Variants in TMEM117 observed in about 807,000 individuals in gnomAD.
TMEM117 encodes the protein transmembrane protein 117.
Under a neutral mutation model 52.4 loss-of-function variants are expected in TMEM117, and 27 were observed. The observed-to-expected ratio is 0.51, with a 90% CI of 0.38 to 0.71. The LOEUF is 0.71. TMEM117 is among the 30% of genes least tolerant of loss of function. TMEM117 has a pLI of 0.00. For missense variants in TMEM117, 556 were observed against 630.5 expected, an observed-to-expected ratio of 0.88 and a Z score of 1.26; for synonymous variants, 215 against 206.3, an observed-to-expected ratio of 1.04 and a Z score of -0.36.
chr12:44,061,982 G>C (rs1331225298), intron 3 of TMEM117, among the ~76,000 whole-genome samples: 7 of 152,060 alleles, frequency 4.6e-5, no homozygotes, highest in Non-Finnish European at 8.8e-5. Flanking sequence ...GTGAATTGGT[G>C]GTTAAGCCTA....
chr12:44,250,381 C>T (rs1950182393), intron 5 of TMEM117, among the ~76,000 whole-genome samples: 1 of 152,124 alleles, frequency 6.6e-6, no homozygotes, highest in Non-Finnish European at 1.5e-5. Context: ...CGCTTTTACA[C>T]TGCTGATGGG....
chr12:44,203,242 A>G (rs1949520707), intron 4 of TMEM117, among the ~76,000 whole-genome samples: 2 of 152,072 alleles, frequency 1.3e-5, no homozygotes, highest in Non-Finnish European at 2.9e-5. Context: ...TCTAATTTTT[A>G]TCCATAGAAA....
At position 43,955,876 on chromosome 12, in the gene TMEM117, A is replaced by G. The variant is rs540685504; in HGVS notation, c.410+11534A>G. 3.9e-5 allele frequency among the ~76,000 whole-genome samples: 6 copies of G among 152,344 alleles called. 1 individual carries two copies. In the South Asian group the frequency reaches 1.2e-3, roughly 32 times the overall value. The stretch of plus-strand genomic sequence containing the variant: ...AGAACAAAGCTGGAGGTATCATGCT[A>G]TGATGCCTTTAAACTTACTACAACA... On this transcript the variant is annotated intron_variant, in intron 3 of 7. Transcript: ENST00000266534.
intron 4 of TMEM117, among the ~76,000 whole-genome samples, chr12:44,152,268 A>G (rs1483492196): frequency 1.9e-5 from 2 of 104,250 alleles, no homozygotes; most frequent in Non-Finnish European, 3.3e-5. Context: ...ATGTATAATC[A>G]TATTTATATT....
intron 3 of TMEM117, among the ~76,000 whole-genome samples, chr12:43,997,975 G>C (rs1479362274): frequency 6.6e-6 from 1 of 152,178 alleles, no homozygotes; most frequent in Non-Finnish European, 1.5e-5. Flanking sequence ...GCCAGATTCT[G>C]TGATAGAGCT....
At chr12:43,878,572 C>A (rs1345932650) in intron 2 of TMEM117, among the ~76,000 whole-genome samples, 1 of 152,070 alleles carries the variant, frequency 6.6e-6, no homozygotes, top group Non-Finnish European at 1.5e-5. Context: ...AATAAGGTGA[C>A]AACAATAGGT....
At chr12:44,362,685 T>C (rs551058258) in intron 6 of TMEM117, among the ~76,000 whole-genome samples, 29 of 151,410 alleles carry the variant, frequency 1.9e-4, no homozygotes, top group Middle Eastern at 3.4e-3. Context: ...CAATGAAAAA[T>C]AATGGTTGGA....
chr12:43,867,429 A>T (rs1943622086), intron 2 of TMEM117, among the ~76,000 whole-genome samples: 1 of 152,234 alleles, frequency 6.6e-6, no homozygotes, highest in South Asian at 2.1e-4. Flanking sequence ...GCAGAGGAAG[A>T]GTATACAGAT....
chr12:44,392,671 C>T (rs1229758213), downstream of TMEM117, among the ~76,000 whole-genome samples: 2 of 139,532 alleles, frequency 1.4e-5, no homozygotes, highest in Non-Finnish European at 3.1e-5. Flanking sequence ...TATCCCTCCC[C>T]CCTCCCCCCA....
intron 4 of TMEM117, among the ~76,000 whole-genome samples, chr12:44,196,412 T>G (rs1206366124): frequency 1.3e-5 from 2 of 152,062 alleles, no homozygotes; most frequent in African/African-American, 4.8e-5. Flanking sequence ...AAAAATAAAC[T>G]ATCAACAGAT....
At chr12:43,962,800 C>T (rs61933007) in intron 3 of TMEM117, among the ~76,000 whole-genome samples, 17,452 of 151,840 alleles carry the variant, frequency 0.11, 1,290 homozygotes, top group Middle Eastern at 0.22. Context: ...TGGCGGCGGG[C>T]GCCTGTAGTC....
At chr12:43,854,723 G>A (rs1010891608) in intron 2 of TMEM117, among the ~76,000 whole-genome samples, 1 of 151,834 alleles carries the variant, frequency 6.6e-6, no homozygotes, top group Non-Finnish European at 1.5e-5. Flanking sequence ...TGCAACCTCT[G>A]CCTCTCAGGT....
At chr12:44,336,777 A>T (rs765461454) in intron 6 of TMEM117, among the ~76,000 whole-genome samples, 13 of 151,918 alleles carry the variant, frequency 8.6e-5, no homozygotes, top group Non-Finnish European at 1.9e-4. Flanking sequence ...TTTATAAATG[A>T]TTAAGTCTAG....
At chr12:44,381,739 G>T (rs1952023901) in intron 7 of TMEM117, among the ~76,000 whole-genome samples, 1 of 152,128 alleles carries the variant, frequency 6.6e-6, no homozygotes, top group Admixed American at 6.5e-5. Flanking sequence ...TGAGAATGTG[G>T]AAAATAATGA....
At chr12:43,835,953 G>C (rs1486462103), upstream of TMEM117, 2 of 151,616 alleles carry the variant, frequency 1.3e-5, no homozygotes, top group African/African-American at 4.8e-5. Context: ...CGCGTTGCCC[G>C]GCCCGCGGCC....
chr12:44,017,663 T>C (rs1431924342), intron 3 of TMEM117, among the ~76,000 whole-genome samples: 2 of 152,146 alleles, frequency 1.3e-5, no homozygotes, highest in Non-Finnish European at 2.9e-5. Context: ...ATATTTCAAA[T>C]ATACTGGTGT....
At chr12:44,094,800 TGG>T (rs1947730171) in intron 3 of TMEM117, among the ~76,000 whole-genome samples, 1 of 152,020 alleles carries the variant, frequency 6.6e-6, no homozygotes, top group African/African-American at 2.4e-5. Context: ...AGTGTGTGTG[TGG>T]GGGAATACTC....
intron 1 of TMEM117, among the ~76,000 whole-genome samples, chr12:43,837,367 A>G (rs1368766509): frequency 6.6e-6 from 1 of 151,940 alleles, no homozygotes; most frequent in Admixed American, 6.6e-5. Context: ...TCTTTCTTTC[A>G]TGGAGTCGGG....
chr12:44,117,342 C>G (rs941437267), intron 3 of TMEM117, among the ~76,000 whole-genome samples: 2 of 145,724 alleles, frequency 1.4e-5, no homozygotes, highest in African/African-American at 2.8e-5. Flanking sequence ...CCATAGCATA[C>G]TGTTTTTTTT....
Sources: allele counts gnomAD v4.1 joint callset (sites outside exome capture counted in the v4.1 genomes callset), GRCh38; gene constraint gnomAD v4.1.1; transcripts MANE v1.5; gene names NCBI Gene and HGNC (gene_info 2026-07-23, HGNC 2026-07-21).